Variants in CHL1 observed in about 807,000 individuals in gnomAD.
CHL1 encodes the protein cell adhesion molecule L1 like.
CHL1 carries 96 observed loss-of-function variants against 141.9 expected under a neutral mutation model. The ratio of observed to expected loss-of-function variants is 0.68; its 90% CI spans 0.57 to 0.80. The LOEUF (loss-of-function observed/expected upper bound fraction) is 0.80, where lower values mean the gene tolerates loss of function less well. Ranked by LOEUF, CHL1 falls within the 30% of genes least tolerant of loss-of-function variation. The pLI, the probability that CHL1 is intolerant of heterozygous loss-of-function variation, is 0.00. For synonymous variants in CHL1, 613 were observed against 502.2 expected (o/e 1.22, Z -2.95); for missense variants, 1,820 against 1,457.2 (o/e 1.25, Z -4.05).
intron 5 of CHL1, among the ~76,000 whole-genome samples, chr3:338,544 C>T (rs575047108): frequency 3.3e-5 from 5 of 152,102 alleles, no homozygotes; most frequent in Admixed American, 2.0e-4. Flanking sequence ...CACTTTTTAT[C>T]GTGCCATCAA....
chr3:270,866 A>G (rs991680157), intron 2 of CHL1, among the ~76,000 whole-genome samples: 8 of 152,204 alleles, frequency 5.3e-5, no homozygotes, highest in Non-Finnish European at 8.8e-5. Context: ...GGGTGCACAC[A>G]TGTGTGACCT....
At chr3:263,873 G>A (rs555809861) in intron 2 of CHL1, among the ~76,000 whole-genome samples, 5 of 152,242 alleles carry the variant, frequency 3.3e-5, no homozygotes, top group African/African-American at 4.8e-5. Context: ...TATGCCTTTT[G>A]AATATATTCA....
At chr3:311,110 T>A (rs1213587414) in intron 2 of CHL1, among the ~76,000 whole-genome samples, 1 of 152,200 alleles carries the variant, frequency 6.6e-6, no homozygotes, top group East Asian at 1.9e-4. Flanking sequence ...ATAGTTTATT[T>A]ATCCATTTAC....
intron 3 of CHL1, among the ~76,000 whole-genome samples, chr3:325,110 A>G (rs1045665936): frequency 2.0e-5 from 3 of 151,940 alleles, no homozygotes; most frequent in African/African-American, 7.2e-5. Context: ...AAATGAAAAC[A>G]TAAATGAGGA....
At chr3:268,523 G>A (rs917445921) in intron 2 of CHL1, among the ~76,000 whole-genome samples, 3 of 151,256 alleles carry the variant, frequency 2.0e-5, no homozygotes, top group Non-Finnish European at 4.4e-5. Context: ...TGACAGAGCG[G>A]GACCCCATCT....
rs1387828166 is a variant in CHL1, at chr3:343,050, G to C, written c.727+19G>C. The C allele has an allele frequency of 6.3e-7, 1 of 1,597,550 alleles. No homozygotes were observed. The highest frequency in any genetic ancestry group is 1.8e-5 in the Admixed American group (1 of 56,650). On this transcript the variant is annotated intron_variant, in intron 8 of 27. Transcript: ENST00000256509. ...TCCAAGGGTAAGTTGAACCCATGTG[G>C]AGTGTTGGCATTTGTGTATAGCTCA...
At chr3:226,026 A>C (rs1479946118) in intron 1 of CHL1, among the ~76,000 whole-genome samples, 1 of 151,084 alleles carries the variant, frequency 6.6e-6, no homozygotes, top group African/African-American at 2.4e-5. Flanking sequence ...GAGACACGTT[A>C]ATCTTAACTT....
At chr3:291,481 G>T in intron 2 of CHL1, among the ~76,000 whole-genome samples, 1 of 147,838 alleles carries the variant, frequency 6.8e-6, no homozygotes, top group South Asian at 2.2e-4. Flanking sequence ...AACCTCAGAA[G>T]GAATTAGATG....
chr3:219,427 C>G (rs370429777), intron 1 of CHL1, among the ~76,000 whole-genome samples: 1 of 152,184 alleles, frequency 6.6e-6, no homozygotes, highest in African/African-American at 2.4e-5. Flanking sequence ...TAAAATCAAC[C>G]TAAATGCCCA....
At chr3:225,974 A>G (rs1372767626) in intron 1 of CHL1, among the ~76,000 whole-genome samples, 4 of 151,668 alleles carry the variant, frequency 2.6e-5, no homozygotes, top group Non-Finnish European at 5.9e-5. Flanking sequence ...GCACCAGTGC[A>G]CTTCAGCCCG....
At position 284,067 on chromosome 3, in the gene CHL1, C is replaced by T. The variant is rs79390202; in HGVS notation, c.-94-35616C>T. ...ACCAATTATCCACTAAGTACTTTGCCAGGTAGAGGGGATACATTCGTGAAA... is the reference window on the plus strand; with the variant it reads ...ACCAATTATCCACTAAGTACTTTGCTAGGTAGAGGGGATACATTCGTGAAA... On this transcript the variant is annotated intron_variant, in intron 2 of 27. Transcript: ENST00000256509. Among the ~76,000 whole-genome samples, 1,383 of 152,210 alleles carry T rather than the reference C, an allele frequency of 9.1e-3. 27 individuals carry two copies. The highest frequency in any genetic ancestry group is 0.032 in the African/African-American group (1,316 of 41,510).
chr3:341,662 C>T (rs1312107498), intron 6 of CHL1, among the ~76,000 whole-genome samples: 1 of 152,076 alleles, frequency 6.6e-6, no homozygotes, highest in Non-Finnish European at 1.5e-5. Context: ...CAGAGTTTAC[C>T]ACTGTTTGTC....
chr3:368,754 T>G (rs1705226258), intron 15 of CHL1, among the ~76,000 whole-genome samples: 1 of 152,228 alleles, frequency 6.6e-6, no homozygotes, highest in African/African-American at 2.4e-5. Context: ...TTAATTCATC[T>G]TGAATTAATT....
At position 391,152 on chromosome 3, in the gene CHL1, A is replaced by C. The variant is rs761841726; in HGVS notation, c.2784A>C (p.Pro928=). 4 of 1,607,740 alleles carry C rather than the reference A, an allele frequency of 2.5e-6. No homozygotes were observed. The highest frequency in any genetic ancestry group is 3.4e-6 in the Non-Finnish European group (4 of 1,174,456). ...PESEPYIFQT[P]EGVPEQPTFL... ...GTGAGCCTTATATATTTCAAACACC[A>C]GAAGGAGGTGAGAGGATAATGATGT... is the stretch of plus-strand genomic sequence containing the variant. Residue 928 remains proline (P), a synonymous_variant, in exon 22 of 28, where the codon CCA becomes CCC. Transcript: ENST00000256509.
intron 2 of CHL1, among the ~76,000 whole-genome samples, chr3:287,842 T>G (rs576328226): frequency 3.3e-4 from 50 of 152,236 alleles, no homozygotes; most frequent in African/African-American, 8.7e-4. Context: ...CTCAGTTCAC[T>G]GCAACCTCCG....
intron 1 of CHL1, among the ~76,000 whole-genome samples, chr3:221,540 T>C: frequency 6.6e-6 from 1 of 152,234 alleles, no homozygotes; most frequent in East Asian, 1.9e-4. Context: ...TTTAATATCA[T>C]GGTCCTTGTG....
At chr3:200,612 A>G (rs1362813474) in intron 1 of CHL1, among the ~76,000 whole-genome samples, 1 of 152,210 alleles carries the variant, frequency 6.6e-6, no homozygotes, top group Non-Finnish European at 1.5e-5. Flanking sequence ...TGAAAGCATA[A>G]TATTCTTTCT....
At chr3:208,593 T>A (rs899170534) in intron 1 of CHL1, among the ~76,000 whole-genome samples, 2 of 152,196 alleles carry the variant, frequency 1.3e-5, no homozygotes, top group Non-Finnish European at 2.9e-5. Context: ...CAGATTTACA[T>A]TGTGGTTTAT....
chr3:365,372 A>C (rs1272379458), intron 14 of CHL1, among the ~76,000 whole-genome samples: 1 of 152,182 alleles, frequency 6.6e-6, no homozygotes, highest in Non-Finnish European at 1.5e-5. Context: ...ATTCAAAAGG[A>C]GACTTAACAC....
Sources: allele counts gnomAD v4.1 joint callset (sites outside exome capture counted in the v4.1 genomes callset), GRCh38; gene constraint gnomAD v4.1.1; transcripts MANE v1.5; gene names NCBI Gene and HGNC (gene_info 2026-07-23, HGNC 2026-07-21).